PCNX2: variants seen among roughly 807,000 people sequenced by gnomAD.
PCNX2 encodes pecanex 2.
In PCNX2, 168 loss-of-function variants were observed where a neutral mutation model predicts 223.8. That is an observed-to-expected ratio of 0.75 (90% confidence interval 0.66 to 0.85). PCNX2 has a LOEUF of 0.85. Among genes scored for constraint, PCNX2 ranks in the 40% least tolerant of loss-of-function variants. The pLI, the probability that PCNX2 is intolerant of heterozygous loss-of-function variation, is 0.00. For synonymous variants in PCNX2, 1,006 were observed against 1,052.6 expected, an observed-to-expected ratio of 0.96 and a Z score of 0.86; for missense variants, 2,507 against 2,675.5, an observed-to-expected ratio of 0.94 and a Z score of 1.39.
In PCNX2 at chr1:233,261,386, G is replaced by A. The variant is rs375568157; in HGVS notation, c.481-65C>T. ...GCTGACCGTCCATTTCCAGACAGTCGGCAATAACTGACAGCAGTCACTGAT... is the reference window on the plus strand; with the variant it reads ...GCTGACCGTCCATTTCCAGACAGTCAGCAATAACTGACAGCAGTCACTGAT... On this transcript the variant is annotated intron_variant, in intron 3 of 33. Coordinates refer to ENST00000258229, the MANE Select transcript of PCNX2 (RefSeq NM_014801.4). 165 of 1,434,244 alleles carry A rather than the reference G, an allele frequency of 1.2e-4. 1 individual carries two copies. In the African/African-American group the frequency reaches 1.8e-3, roughly 16 times the overall value. 88.8% of individuals were successfully genotyped at this position (1,434,244 alleles called of 1,614,324 possible).
chr1:233,023,322 C>T (rs1426051700), intron 26 of PCNX2, among the ~76,000 whole-genome samples: 1 of 152,206 alleles, frequency 6.6e-6, no homozygotes, highest in African/African-American at 2.4e-5. Flanking sequence ...GCCCAAAGTA[C>T]ACTTTCCAGA....
intron 21 of PCNX2, among the ~76,000 whole-genome samples, chr1:233,099,118 T>C (rs540493976): frequency 6.6e-6 from 1 of 152,352 alleles, no homozygotes; most frequent in African/African-American, 2.4e-5. Flanking sequence ...CTGGCCCATC[T>C]GAAACCAGAG....
Position 233,262,154 on chromosome 1 carries a change from T to A in PCNX2, c.371A>T (p.Gln124Leu), listed in dbSNP as rs1660088197. The A allele has an allele frequency of 1.2e-6, 2 of 1,613,646 alleles. No individual in the cohort carries two copies. Among genetic ancestry groups the A allele is most frequent in the Admixed American group, 1.7e-5 (1 of 59,978 alleles). Reference sequence around the variant, plus strand: ...CTCTTCCTTTTTGCCATTGTGAATCTGCCTATTATTGCTAACCCAACATGA... The same window carrying A: ...CTCTTCCTTTTTGCCATTGTGAATCAGCCTATTATTGCTAACCCAACATGA... ...TNHRNPSNNR[Q>L]IHNGKKEEAS... The change falls in exon 3 of 34, where the codon CAG becomes CTG. Residue 124 changes from glutamine to leucine, a missense_variant. Coordinates refer to ENST00000258229, the MANE Select transcript of PCNX2 (RefSeq NM_014801.4).
At chr1:233,227,147 CT>C in intron 10 of PCNX2, 78 bp downstream of exon 10, 1 of 1,415,118 alleles carries the variant, frequency 7.1e-7, no homozygotes, top group African/African-American at 1.4e-5. Context: ...TGACAATGTT[CT>C]CTTTGAAAGC....
intron 1 of PCNX2, among the ~76,000 whole-genome samples, chr1:233,283,795 T>A (rs1056823406): frequency 6.6e-6 from 1 of 152,190 alleles, no homozygotes; most frequent in African/African-American, 2.4e-5. Context: ...ATTATTTTAG[T>A]CCAGAATCAT....
At chr1:233,260,451 T>C (rs574727918) in intron 4 of PCNX2, among the ~76,000 whole-genome samples, 1 of 152,288 alleles carries the variant, frequency 6.6e-6, no homozygotes, top group South Asian at 2.1e-4. Flanking sequence ...ATAAAACACA[T>C]AAAGTAACGT....
chr1:233,291,802 A>G, intron 1 of PCNX2: 2 of 984,942 alleles, frequency 2.0e-6, no homozygotes, highest in South Asian at 4.7e-5. Context: ...CAATTTAAAT[A>G]TCTCTCAAGA....
At chr1:233,145,034 G>A (rs376536775) in intron 19 of PCNX2, among the ~76,000 whole-genome samples, 1 of 148,460 alleles carries the variant, frequency 6.7e-6, no homozygotes, top group Non-Finnish European at 1.5e-5. Context: ...GCTCAATCTC[G>A]GCTCACTGCA....
chr1:233,295,655 C>T lies in PCNX2; in HGVS notation c.-177G>A, dbSNP rs1662048637. 3.0e-6 allele frequency: 2 copies of T among 672,646 alleles called. No homozygotes were observed. Among genetic ancestry groups the T allele is most frequent in the African/African-American group, 1.9e-5 (1 of 52,518 alleles). The allele number at this position is 672,646 out of a possible 1,614,324, so 41.7% of individuals were successfully genotyped here. ...GTTTGAAGCTGGAGCTGCTCTTCCG[C>T]CCGGACCCGCGAACCGCGGCGCCGG... is the stretch of plus-strand genomic sequence containing the variant. On this transcript the variant is annotated 5_prime_UTR_variant, in exon 1 of 34. Transcript: ENST00000258229. This position sits in a 1 kb window ranked among gnomAD's most constrained non-coding sequence, Gnocchi z 4.1.
chr1:233,259,812 A>C (rs1254291958), intron 4 of PCNX2: 12 of 882,240 alleles, frequency 1.4e-5, no homozygotes, highest in Non-Finnish European at 1.6e-5. Context: ...TTACGGCTGC[A>C]TTGATACTTA....
At chr1:233,271,246 T>TA (rs1660623349) in intron 1 of PCNX2, among the ~76,000 whole-genome samples, 2 of 152,338 alleles carry the variant, frequency 1.3e-5, no homozygotes, top group South Asian at 4.1e-4. Context: ...AAATGTGCTA[T>TA]TTAAAATTAA....
At chr1:233,227,094 TG>T (rs1657779564) in intron 10 of PCNX2, 131 bp downstream of exon 10, 3 of 1,074,540 alleles carry the variant, frequency 2.8e-6, no homozygotes, top group African/African-American at 1.6e-5. Context: ...GCTTTAACTT[TG>T]GGTTGTCAGC....
intron 23 of PCNX2, among the ~76,000 whole-genome samples, chr1:233,068,947 T>A (rs1261769676): frequency 1.3e-5 from 2 of 152,228 alleles, no homozygotes; most frequent in East Asian, 3.9e-4. Context: ...CAAATATTCT[T>A]ACTTACAAGA....
chr1:233,279,542 C>A (rs1181424257), intron 1 of PCNX2, among the ~76,000 whole-genome samples: 1 of 152,028 alleles, frequency 6.6e-6, no homozygotes, highest in Non-Finnish European at 1.5e-5. Context: ...GCCTCAGCCT[C>A]CCAAAATTCT....
At chr1:233,301,728 A>G in the PCNX2 span, among the ~76,000 whole-genome samples, 1 of 152,154 alleles carries the variant, frequency 6.6e-6, no homozygotes, top group East Asian at 1.9e-4. Flanking sequence ...GAGATACTGG[A>G]AAATATGCTT....
chr1:232,998,646 C>T (rs1571994049), intron 31 of PCNX2, among the ~76,000 whole-genome samples: 1 of 152,188 alleles, frequency 6.6e-6, no homozygotes, highest in Non-Finnish European at 1.5e-5. Flanking sequence ...AATGGGCTTC[C>T]GTCTCAACCT....
At chr1:233,283,230 G>A (rs1346470966) in intron 1 of PCNX2, among the ~76,000 whole-genome samples, 39 of 152,034 alleles carry the variant, frequency 2.6e-4, no homozygotes, top group Admixed American at 2.6e-3. Context: ...GATATGGATT[G>A]GATTGAAGGT....
intron 1 of PCNX2, 66 bp from the exon 2 acceptor site, chr1:233,263,229 G>C: frequency 7.3e-7 from 1 of 1,367,052 alleles, no homozygotes; most frequent in Non-Finnish European, 9.8e-7. Flanking sequence ...TTTAAATCTG[G>C]AAGCATTTTT....
At chr1:233,172,252 AT>A in intron 17 of PCNX2, 1 of 651,674 alleles carries the variant, frequency 1.5e-6, no homozygotes, top group Non-Finnish European at 1.9e-6. Context: ...TAAGCTGTGC[AT>A]TTTCCCTAAA....
Sources: allele counts gnomAD v4.1 joint callset (sites outside exome capture counted in the v4.1 genomes callset), GRCh38; gene constraint gnomAD v4.1.1; non-coding constraint Gnocchi (gnomAD v3.1); transcripts MANE v1.5; gene names NCBI Gene and HGNC (gene_info 2026-07-23, HGNC 2026-07-21).